Variants in BCAR3 observed in about 807,000 individuals in gnomAD.
BCAR3 encodes the protein BCAR3 adaptor protein, NSP family member.
A neutral mutation model predicts 80.1 loss-of-function variants in BCAR3; 37 were observed. The observed-to-expected ratio is 0.46, with a 90% CI of 0.36 to 0.61. BCAR3 has a LOEUF of 0.61. Among genes scored for constraint, BCAR3 ranks in the 20% least tolerant of loss-of-function variants. The probability of loss-of-function intolerance (pLI) is 0.00; values close to 1 mark genes in which losing one functional copy is unlikely to be tolerated. For synonymous variants in BCAR3, 389 were observed against 418.9 expected (o/e 0.93, Z 0.87); for missense variants, 978 against 1,068.2 (o/e 0.92, Z 1.18).
intron 2 of BCAR3, among the ~76,000 whole-genome samples, chr1:93,770,987 T>C (rs947599541): frequency 6.6e-6 from 1 of 152,200 alleles, no homozygotes; most frequent in African/African-American, 2.4e-5. Flanking sequence ...TGAAGACCAC[T>C]GTACTATACC....
chr1:93,569,769 TA>T, intron 9 of BCAR3, among the ~76,000 whole-genome samples: 1 of 152,250 alleles, frequency 6.6e-6, no homozygotes, highest in East Asian at 1.9e-4. Context: ...GGGAGCCGCC[TA>T]CAAAGCATGG....
intron 6 of BCAR3, among the ~76,000 whole-genome samples, chr1:93,583,424 T>C (rs765701352): frequency 6.6e-6 from 1 of 151,656 alleles, no homozygotes; most frequent in Non-Finnish European, 1.5e-5. Context: ...TACATGGAGG[T>C]AGTTTACGCA....
chr1:93,806,795 G>A (rs145401185), intron 2 of BCAR3, among the ~76,000 whole-genome samples: 6 of 152,198 alleles, frequency 3.9e-5, no homozygotes, highest in African/African-American at 1.4e-4. Context: ...TTGGGTTATC[G>A]TTTTCTGAAC....
intron 3 of BCAR3, among the ~76,000 whole-genome samples, chr1:93,631,831 C>A (rs543395277): frequency 1.3e-5 from 2 of 152,268 alleles, no homozygotes; most frequent in South Asian, 4.1e-4. Flanking sequence ...GAGGGCAGCT[C>A]CAGGGTTTGA....
chr1:93,569,417 C>T (rs1003579707), intron 9 of BCAR3, among the ~76,000 whole-genome samples: 5 of 152,294 alleles, frequency 3.3e-5, no homozygotes, highest in South Asian at 2.1e-4. Flanking sequence ...AGGCTGTGGC[C>T]GCCTTCCTCC....
In BCAR3 at chr1:93,674,741, A is replaced by G. The variant is rs139529955; in HGVS notation, c.190T>C (p.Cys64Arg). Residue 64 changes from cysteine to arginine, a missense_variant, in exon 2 of 12, where the codon TGT (cysteine) becomes CGT (arginine). Transcript: ENST00000260502. ...KKKGPPPIRS[C>R]DDFSHMGTLP... is the part of the protein sequence containing the mutation. The stretch of plus-strand genomic sequence containing the variant: ...GTGCCCATGTGACTGAAGTCATCAC[A>G]GGACCTTATGGGAGGAGGACCTTTT... 40 of 1,613,684 alleles carry G rather than the reference A, an allele frequency of 2.5e-5. No homozygotes were observed. The highest frequency in any genetic ancestry group is 3.4e-5 in the Non-Finnish European group (40 of 1,179,956).
intron 2 of BCAR3, among the ~76,000 whole-genome samples, chr1:93,783,129 G>A (rs915237658): frequency 2.6e-5 from 4 of 152,112 alleles, no homozygotes; most frequent in African/African-American, 4.8e-5. Context: ...AAACAATTTA[G>A]TATTATATAA....
rs375053786 is a variant in BCAR3, at chr1:93,569,667, A to C, written c.1975-1816T>G. ...CTTTTGGGCTTTCTCTGGGTATGCC[A>C]CTTCCTCCTAGGCCACTGTATGCTC... On this transcript the variant is annotated intron_variant, in intron 9 of 11. Coordinates refer to ENST00000260502, the MANE Select transcript of BCAR3 (RefSeq NM_003567.4). Among the ~76,000 whole-genome samples the C allele has an allele frequency of 5.9e-5, 9 of 152,332 alleles. No individual in the cohort carries two copies. The South Asian group carries it at 1.9e-3, about 32-fold the overall frequency.
chr1:93,589,295 G>C lies in BCAR3; in HGVS notation c.611C>G (p.Thr204Arg). The C allele has an allele frequency of 6.2e-7, 1 of 1,614,198 alleles. No homozygotes were observed. Among genetic ancestry groups the C allele is most frequent in the Non-Finnish European group, 8.5e-7 (1 of 1,180,042 alleles). The change falls in exon 5 of 12, where the codon ACA becomes AGA. Residue 204 changes from threonine to arginine, a missense_variant. By Grantham distance (71) the Thr-to-Arg change is moderately conservative. Transcript: ENST00000260502. ...NLAQHFKINR[T>R]VLRLSEAYSR... ...GTAGGCCTCGCTGAGTCGCAGAACT[G>C]TCCGGTTGATTTTGAAGTGCTGAGC...
chr1:93,828,047 G>A (rs1654431346), intron 2 of BCAR3, among the ~76,000 whole-genome samples: 1 of 152,162 alleles, frequency 6.6e-6, no homozygotes, highest in South Asian at 2.1e-4. Context: ...CAGGAGGATT[G>A]TTTGAGCTCA....
At chr1:93,669,290 T>C (rs990388781) in intron 2 of BCAR3, among the ~76,000 whole-genome samples, 4 of 152,208 alleles carry the variant, frequency 2.6e-5, no homozygotes, top group Non-Finnish European at 4.4e-5. Context: ...GATGAGGGCA[T>C]TGATACAGCC....
chr1:93,846,596 G>C (rs1655197650), intron 1 of BCAR3, among the ~76,000 whole-genome samples: 1 of 152,172 alleles, frequency 6.6e-6, no homozygotes, highest in East Asian at 2.0e-4. Flanking sequence ...CAGGCCCGCT[G>C]CCGTCCCCAC....
At chr1:93,733,213 T>C (rs563297839) in intron 2 of BCAR3, among the ~76,000 whole-genome samples, 1 of 152,244 alleles carries the variant, frequency 6.6e-6, no homozygotes, top group South Asian at 2.1e-4. Context: ...AGCTGAAGAT[T>C]TGTCTCCTAC....
At chr1:93,702,707 G>A (rs1244796680) in intron 3 of BCAR3, among the ~76,000 whole-genome samples, 3 of 152,196 alleles carry the variant, frequency 2.0e-5, no homozygotes, top group African/African-American at 4.8e-5. Flanking sequence ...ACCGCACACC[G>A]CCCAGTGGCA....
intron 2 of BCAR3, among the ~76,000 whole-genome samples, chr1:93,809,742 T>C (rs1015842948): frequency 6.4e-5 from 9 of 139,742 alleles, no homozygotes; most frequent in Non-Finnish European, 1.1e-4. Context: ...CACTCCAGCC[T>C]GGGCGACAGA....
At chr1:93,715,822 G>A (rs971795767) in intron 2 of BCAR3, among the ~76,000 whole-genome samples, 1 of 152,192 alleles carries the variant, frequency 6.6e-6, no homozygotes, top group Admixed American at 6.5e-5. Flanking sequence ...AGCTAACCGA[G>A]ATAAAAGCTG....
chr1:93,670,385 T>C (rs1297259409), intron 2 of BCAR3, among the ~76,000 whole-genome samples: 1 of 152,160 alleles, frequency 6.6e-6, no homozygotes, highest in Non-Finnish European at 1.5e-5. Context: ...CTTCCAGGCC[T>C]GCCTTCTGCC....
intron 2 of BCAR3, among the ~76,000 whole-genome samples, chr1:93,830,368 T>C (rs1654516257): frequency 6.6e-6 from 1 of 152,160 alleles, no homozygotes; most frequent in Non-Finnish European, 1.5e-5. Flanking sequence ...CCTGCATGTA[T>C]ACATCCAGAT....
At chr1:93,622,444 G>A (rs944875002) in intron 3 of BCAR3, among the ~76,000 whole-genome samples, 18 of 152,166 alleles carry the variant, frequency 1.2e-4, no homozygotes, top group African/African-American at 4.3e-4. Context: ...CTCCAACAGA[G>A]GGACAGATAC....
Sources: allele counts gnomAD v4.1 joint callset (sites outside exome capture counted in the v4.1 genomes callset), GRCh38; gene constraint gnomAD v4.1.1; transcripts MANE v1.5; gene names NCBI Gene and HGNC (gene_info 2026-07-23, HGNC 2026-07-21).